The following ZC3H3 variants were observed in gnomAD, a reference collection of about 807,000 sequenced individuals.
ZC3H3 encodes the protein zinc finger CCCH-type containing 3, also known as zinc finger CCCH domain-containing protein 3.
In ZC3H3, 36 loss-of-function variants were observed where a neutral mutation model predicts 77.3. The observed-to-expected ratio is 0.47, with a 90% confidence interval of 0.36 to 0.61. The LOEUF (loss-of-function observed/expected upper bound fraction) is 0.61. Ranked by LOEUF, ZC3H3 falls within the 20% of genes least tolerant of loss-of-function variation. The pLI, the probability that ZC3H3 is intolerant of heterozygous loss-of-function variation, is 0.00. For synonymous variants in ZC3H3, 626 were observed against 555.2 expected, an observed-to-expected ratio of 1.13 and a Z score of -1.79; for missense variants, 1,331 against 1,312.2, an observed-to-expected ratio of 1.01 and a Z score of -0.22.
Position 143,530,639 on chromosome 8 carries a change from G to A in ZC3H3, c.1561+5618C>T, listed in dbSNP as rs1489755341. Reference sequence around the variant, plus strand: ...GAGTCATGCCTGTCATCTCAGGGTGGCCGAGCACAGCGACGGGCCCCAGGA... The same window carrying A: ...GAGTCATGCCTGTCATCTCAGGGTGACCGAGCACAGCGACGGGCCCCAGGA... On this transcript the variant is annotated intron_variant, in intron 3 of 11. Coordinates refer to ENST00000262577, the MANE Select transcript of ZC3H3 (RefSeq NM_015117.3). The surrounding 1 kb of genome is among the most constrained non-coding windows in gnomAD (Gnocchi z 4.3). 6.6e-6 allele frequency among the ~76,000 whole-genome samples: 1 copy of A among 152,076 alleles called. No homozygotes were observed. The highest frequency in any genetic ancestry group is 2.4e-5 in the African/African-American group (1 of 41,380).
At chr8:143,507,714 GGCCTGCAGGA>G (rs747056808) in intron 4 of ZC3H3, 22 bp downstream of exon 4, 1 of 1,521,844 alleles carries the variant, frequency 6.6e-7, no homozygotes, top group Non-Finnish European at 8.8e-7. Flanking sequence ...CCAGTTCCCA[GGCCTGCAGGA>G]GCCTGCAGGA....
At chr8:143,483,457 G>C (rs1353499719) in intron 4 of ZC3H3, among the ~76,000 whole-genome samples, 1 of 152,182 alleles carries the variant, frequency 6.6e-6, no homozygotes, top group Non-Finnish European at 1.5e-5. Context: ...GGTTCTACTG[G>C]ACAGACACTC....
Position 143,440,995 on chromosome 8 carries a change from G to A in ZC3H3, c.2433C>T (p.Pro811=), listed in dbSNP as rs572067627. 25 of 1,470,490 alleles carry A rather than the reference G, an allele frequency of 1.7e-5. No individual in the cohort carries two copies. The highest frequency in any genetic ancestry group is 5.9e-5 in the African/African-American group (4 of 67,800). 91.1% of individuals were successfully genotyped at this position (1,470,490 alleles called of 1,614,324 possible). A position where few individuals can be genotyped will look rare whatever the true frequency, so the allele number is the denominator to read the frequency against. The part of the protein sequence containing the change: ...KRHSRRAATS[P]APGPSDATAR... Reference sequence around the variant, plus strand: ...CGGTTGCGTCGCTGGGCCCTGGGGCGGGGGACGTGGCTGCCCGCCGACTGT... The same window carrying A: ...CGGTTGCGTCGCTGGGCCCTGGGGCAGGGGACGTGGCTGCCCGCCGACTGT... The change falls in exon 10 of 12, where the codon CCC becomes CCT. Residue 811 remains proline (P), a synonymous_variant. Transcript: ENST00000262577.
chr8:143,505,355 ATGGGCCAGGCTAGACCAGCCGC>A (rs1821656591), intron 4 of ZC3H3, among the ~76,000 whole-genome samples: 1 of 152,246 alleles, frequency 6.6e-6, no homozygotes, highest in Non-Finnish European at 1.5e-5. Context: ...GAGATGGCGC[ATGGGCCAGGCTAGACCAGCCGC>A]TGGCCCAGAC....
At chr8:143,438,156 C>A (rs1819634023) in intron 11 of ZC3H3, 69 bp from the exon 12 acceptor site, 1 of 1,561,002 alleles carries the variant, frequency 6.4e-7, no homozygotes. Context: ...TGCAAAGCTC[C>A]TGATCGGGCT....
intron 3 of ZC3H3, among the ~76,000 whole-genome samples, chr8:143,517,221 C>T (rs978022496): frequency 2.6e-5 from 4 of 152,330 alleles, no homozygotes; most frequent in African/African-American, 7.2e-5. Flanking sequence ...TAGTTTGCTC[C>T]GTGACAGTTG....
At chr8:143,463,677 G>A (rs879106184) in intron 9 of ZC3H3, among the ~76,000 whole-genome samples, 5 of 152,358 alleles carry the variant, frequency 3.3e-5, no homozygotes, top group Middle Eastern at 3.4e-3. Flanking sequence ...TGGAGCGAGC[G>A]CCTGAGGCAA....
chr8:143,481,458 G>C (rs746905780), intron 4 of ZC3H3, among the ~76,000 whole-genome samples: 6 of 152,212 alleles, frequency 3.9e-5, no homozygotes, highest in Non-Finnish European at 8.8e-5. Context: ...TGGGAACAGA[G>C]AGGTCGCTGT....
chr8:143,531,385 C>T (rs1175507728), intron 3 of ZC3H3, among the ~76,000 whole-genome samples: 1 of 152,194 alleles, frequency 6.6e-6, no homozygotes, highest in Non-Finnish European at 1.5e-5. Flanking sequence ...CCCTGCCCCG[C>T]CCCCAGCCGA....
At chr8:143,524,190 G>A (rs745575981) in intron 3 of ZC3H3, among the ~76,000 whole-genome samples, 15 of 152,242 alleles carry the variant, frequency 9.9e-5, no homozygotes, top group Admixed American at 2.6e-4. Flanking sequence ...AACATGGCCG[G>A]CACAGAGCAG....
intron 9 of ZC3H3, among the ~76,000 whole-genome samples, chr8:143,443,880 A>T (rs1819806368): frequency 6.6e-6 from 1 of 152,232 alleles, no homozygotes; most frequent in African/African-American, 2.4e-5. Flanking sequence ...AAGAAAAATA[A>T]ATCCAAGTAT....
intron 9 of ZC3H3, among the ~76,000 whole-genome samples, chr8:143,450,685 T>C (rs566350682): frequency 1.1e-4 from 16 of 152,096 alleles, no homozygotes; most frequent in Non-Finnish European, 1.9e-4. Context: ...GAGGAGGTGC[T>C]ACACACTTTT....
Position 143,438,052 on chromosome 8 carries a change from G to T in ZC3H3, c.*4C>A, listed in dbSNP as rs1381131044. ...AGGTAGGTGCAGGCCGGTCCCTGGGGTCCTCACAGACGTGGTTTGATGTGC... is the reference window on the plus strand; with the variant it reads ...AGGTAGGTGCAGGCCGGTCCCTGGGTTCCTCACAGACGTGGTTTGATGTGC... On this transcript the variant is annotated 3_prime_UTR_variant, in exon 12 of 12. Coordinates refer to ENST00000262577, the MANE Select transcript of ZC3H3 (RefSeq NM_015117.3). 2.5e-6 allele frequency: 4 copies of T among 1,610,826 alleles called. No individual in the cohort carries two copies. The highest frequency in any genetic ancestry group is 3.4e-6 in the Non-Finnish European group (4 of 1,178,870).
rs977831430 is a variant in ZC3H3, at chr8:143,533,980, G to A, written c.1561+2277C>T. On this transcript the variant is annotated intron_variant, in intron 3 of 11. Transcript: ENST00000262577. This position sits in a 1 kb window ranked among gnomAD's most constrained non-coding sequence, Gnocchi z 4.0. Reference sequence around the variant, plus strand: ...CATGAGCCACCACGCCCAGCCTCACGTTGGTCTTTAACTATGAGTTTGGCT... The same window carrying A: ...CATGAGCCACCACGCCCAGCCTCACATTGGTCTTTAACTATGAGTTTGGCT... Among the ~76,000 whole-genome samples the A allele has an allele frequency of 4.0e-5, 6 of 149,876 alleles. No homozygotes were observed. The highest frequency in any genetic ancestry group is 6.7e-5 in the Admixed American group (1 of 14,994).
intron 2 of ZC3H3, 42 bp downstream of exon 2, chr8:143,537,961 C>T (rs1451184324): frequency 6.5e-7 from 1 of 1,532,988 alleles, no homozygotes; most frequent in Non-Finnish European, 8.8e-7. Context: ...AAACCCTCCT[C>T]ACAGCCCCTC....
intron 4 of ZC3H3, among the ~76,000 whole-genome samples, chr8:143,501,952 C>T (rs556970217): frequency 3.3e-5 from 5 of 152,380 alleles, no homozygotes; most frequent in African/African-American, 9.6e-5. Flanking sequence ...GGCGTGAGGA[C>T]GCAGGGCCTT....
chr8:143,471,089 G>C (rs1820549467), intron 5 of ZC3H3, among the ~76,000 whole-genome samples: 1 of 152,214 alleles, frequency 6.6e-6, no homozygotes, highest in African/African-American at 2.4e-5. Context: ...GCTCCGGCCA[G>C]CACCCACTGG....
At chr8:143,488,447 C>G (rs1821104720) in intron 4 of ZC3H3, among the ~76,000 whole-genome samples, 1 of 140,874 alleles carries the variant, frequency 7.1e-6, no homozygotes, top group South Asian at 2.4e-4. Context: ...AGAACAGCAC[C>G]CGCTCCACGA....
chr8:143,469,004 G>A (rs890030406), intron 5 of ZC3H3, among the ~76,000 whole-genome samples: 3 of 152,182 alleles, frequency 2.0e-5, no homozygotes, highest in Non-Finnish European at 4.4e-5. Flanking sequence ...GGAGACGCCC[G>A]CCTGTCCCTG....
Sources: allele counts gnomAD v4.1 joint callset (sites outside exome capture counted in the v4.1 genomes callset), GRCh38; gene constraint gnomAD v4.1.1; non-coding constraint Gnocchi (gnomAD v3.1); transcripts MANE v1.5; gene names NCBI Gene and HGNC (gene_info 2026-07-23, HGNC 2026-07-21).